MOSMO: variants seen among roughly 807,000 people sequenced by gnomAD.
MOSMO encodes modulator of smoothened protein.
MOSMO carries 5 observed loss-of-function variants against 18.4 expected under a neutral mutation model. That is an observed-to-expected ratio of 0.27 (90% CI 0.14 to 0.57). The LOEUF (loss-of-function observed/expected upper bound fraction) is 0.57, where lower values mean the gene tolerates loss of function less well. MOSMO is among the 20% of genes least tolerant of loss of function. MOSMO has a pLI of 0.92. For synonymous variants in MOSMO, 82 were observed against 82.3 expected, an observed-to-expected ratio of 1.00 and a Z score of 0.02; for missense variants, 138 against 211.8, an observed-to-expected ratio of 0.65 and a Z score of 2.16.
chr16:22,059,272 T>G (rs998741273), intron 1 of MOSMO, among the ~76,000 whole-genome samples: 1 of 152,162 alleles, frequency 6.6e-6, no homozygotes, highest in Non-Finnish European at 1.5e-5. Flanking sequence ...ATGGTTGAGG[T>G]GACAGAATGT....
At chr16:22,057,395 A>G (rs930521458) in intron 1 of MOSMO, among the ~76,000 whole-genome samples, 2 of 152,248 alleles carry the variant, frequency 1.3e-5, no homozygotes, top group African/African-American at 4.8e-5. Flanking sequence ...TTATGGCAGC[A>G]TGAATCTGCT....
At chr16:22,011,938 A>AAG (rs1197798314) in intron 1 of MOSMO, among the ~76,000 whole-genome samples, 1 of 151,018 alleles carries the variant, frequency 6.6e-6, no homozygotes, top group Non-Finnish European at 1.5e-5. Flanking sequence ...GAGTTAAAAA[A>AAG]AAAAAAAAAA....
In MOSMO at chr16:22,075,389, AGATAAAT is replaced by A; in HGVS notation, c.107-95_107-89del. ...GGATGTGCTTGAATGACCCACGAAG[AGATAAAT>A]GAGATTTAAGAACTAAAGGGGTGGT... On this transcript the variant is annotated intron_variant, in intron 1 of 2. Coordinates refer to ENST00000542527, the MANE Select transcript of MOSMO (RefSeq NM_001164579.2). 8.8e-6 allele frequency: 8 copies of A among 908,034 alleles called. No individual in the cohort carries two copies. In the South Asian group the frequency reaches 9.9e-5, roughly 11 times the overall value. The allele number at this position is 908,034 out of a possible 1,614,324, so 56.2% of individuals were successfully genotyped here. A position where few individuals can be genotyped will look rare whatever the true frequency, so the allele number is the denominator to read the frequency against.
chr16:22,048,222 G>T (rs1020999815), intron 1 of MOSMO, among the ~76,000 whole-genome samples: 7 of 152,116 alleles, frequency 4.6e-5, no homozygotes, highest in African/African-American at 1.7e-4. Context: ...TGTGCCTCAG[G>T]TTCTTTATCC....
At chr16:22,031,448 A>G (rs1324481851) in intron 1 of MOSMO, among the ~76,000 whole-genome samples, 2 of 152,240 alleles carry the variant, frequency 1.3e-5, no homozygotes, top group Admixed American at 6.5e-5. Context: ...TCACAGTTAT[A>G]CAATCATCAC....
chr16:22,008,745 TAAAAAA>T (rs71151659), intron 1 of MOSMO, among the ~76,000 whole-genome samples: 1 of 132,162 alleles, frequency 7.6e-6, no homozygotes. Flanking sequence ...CGTTCTGGAT[TAAAAAA>T]AAAAAAAAAA....
At chr16:22,032,412 G>A (rs1484892319) in intron 1 of MOSMO, among the ~76,000 whole-genome samples, 2 of 152,030 alleles carry the variant, frequency 1.3e-5, no homozygotes, top group African/African-American at 2.4e-5. Context: ...GGCTGGTCTC[G>A]AACTCCTGGC....
intron 1 of MOSMO, among the ~76,000 whole-genome samples, chr16:22,016,662 G>A (rs1016675372): frequency 1.3e-5 from 2 of 152,144 alleles, no homozygotes; most frequent in African/African-American, 4.8e-5. Context: ...AATGGCACAC[G>A]GGCTTTGGGG....
intron 1 of MOSMO, among the ~76,000 whole-genome samples, chr16:22,059,639 T>C (rs1288272704): frequency 2.6e-5 from 4 of 152,064 alleles, no homozygotes; most frequent in Admixed American, 2.0e-4. Context: ...GGAAGGAGAA[T>C]GAACGCAGGA....
chr16:22,073,395 G>A (rs1900898444), intron 1 of MOSMO, among the ~76,000 whole-genome samples: 1 of 152,192 alleles, frequency 6.6e-6, no homozygotes. Context: ...TTTATAAATG[G>A]AACAGTGACT....
intron 1 of MOSMO, among the ~76,000 whole-genome samples, chr16:22,045,798 ATTTCT>A (rs1216399388): frequency 6.6e-6 from 1 of 151,946 alleles, no homozygotes; most frequent in Non-Finnish European, 1.5e-5. Flanking sequence ...ACTCATTTTG[ATTTCT>A]TTAATTCTCT....
intron 1 of MOSMO, among the ~76,000 whole-genome samples, chr16:22,029,011 A>G (rs1408900633): frequency 6.6e-6 from 1 of 152,142 alleles, no homozygotes; most frequent in African/African-American, 2.4e-5. Context: ...AGCTGGGATT[A>G]TAGGCACCTG....
rs1248000373 is a variant in MOSMO at position 22,081,745 on chromosome 16, T to C, written c.*865T>C. On this transcript the variant is annotated 3_prime_UTR_variant, in exon 3 of 3. Transcript: ENST00000542527. ...TGTGGTGTGCAAACCTAGAACCCAA[T>C]AGAAAAAAAAGCCATTTATCTGAAG... 3 of 151,648 alleles carry C rather than the reference T, an allele frequency of 2.0e-5. No individual in the cohort carries two copies. Among genetic ancestry groups the C allele is most frequent in the Non-Finnish European group, 2.9e-5 (2 of 67,940 alleles). 9.4% of individuals were successfully genotyped at this position (151,648 alleles called of 1,614,324 possible).
At chr16:22,046,217 A>C (rs1365484853) in intron 1 of MOSMO, among the ~76,000 whole-genome samples, 1 of 152,210 alleles carries the variant, frequency 6.6e-6, no homozygotes, top group Non-Finnish European at 1.5e-5. Flanking sequence ...CTATTTAAAG[A>C]CTAGAGCTAT....
intron 1 of MOSMO, among the ~76,000 whole-genome samples, chr16:22,039,237 A>G (rs1900166267): frequency 6.6e-6 from 1 of 152,216 alleles, no homozygotes; most frequent in Non-Finnish European, 1.5e-5. Context: ...GATACATGAT[A>G]CATGTCAATA....
At chr16:22,035,569 C>G (rs773415546) in intron 1 of MOSMO, among the ~76,000 whole-genome samples, 1 of 152,084 alleles carries the variant, frequency 6.6e-6, no homozygotes, top group Non-Finnish European at 1.5e-5. Flanking sequence ...TTAGATTTTC[C>G]TACCTTCATT....
chr16:22,033,674 C>G lies in MOSMO; in HGVS notation c.106+25267C>G, dbSNP rs540289103. Among the ~76,000 whole-genome samples, 5 of 151,686 alleles carry G rather than the reference C, an allele frequency of 3.3e-5. 1 individual carries two copies. Among genetic ancestry groups the G allele is most frequent in the African/African-American group, 9.7e-5 (4 of 41,374 alleles). ...ACTAAAAAAAAAATACAAAAAATCA[C>G]CCGGGCATGGTGGCAGGTGCCTGTA... is the stretch of plus-strand genomic sequence containing the variant. On this transcript the variant is annotated intron_variant, in intron 1 of 2. Transcript: ENST00000542527.
At chr16:22,066,093 CT>C (rs1598021374) in intron 1 of MOSMO, among the ~76,000 whole-genome samples, 1 of 152,260 alleles carries the variant, frequency 6.6e-6, no homozygotes, top group African/African-American at 2.4e-5. Flanking sequence ...GCTATAGTAG[CT>C]GTGAAAACTA....
chr16:22,035,414 T>A lies in MOSMO; in HGVS notation c.106+27007T>A, dbSNP rs1183328499. Among the ~76,000 whole-genome samples the A allele has an allele frequency of 6.2e-4, 94 of 151,110 alleles. 1 individual carries two copies. Among genetic ancestry groups the A allele is most frequent in the Non-Finnish European group, 1.2e-3 (78 of 67,636 alleles). Reference sequence around the variant, plus strand: ...GGAGGGGATTTTTTTTTTTTTTTTTTAATCTTCACTGTGAGGACCTCATAG... The same window carrying A: ...GGAGGGGATTTTTTTTTTTTTTTTTAAATCTTCACTGTGAGGACCTCATAG... On this transcript the variant is annotated intron_variant, in intron 1 of 2. Transcript: ENST00000542527.
Sources: gnomAD v4.1 joint callset for allele counts (sites outside exome capture counted in the v4.1 genomes callset) on GRCh38, gnomAD v4.1.1 for gene constraint, MANE v1.5 for transcripts, NCBI Gene and HGNC (gene_info 2026-07-23, HGNC 2026-07-21) for gene names.